PEX14: variants seen among roughly 807,000 people sequenced by gnomAD.
The protein encoded by PEX14 is peroxisomal biogenesis factor 14, also known as peroxisomal membrane protein PEX14.
PEX14 carries 15 observed loss-of-function variants against 49.5 expected under a neutral mutation model. The observed-to-expected ratio is 0.30, with a 90% CI of 0.20 to 0.47. The LOEUF (loss-of-function observed/expected upper bound fraction) is 0.47. Among genes scored for constraint, PEX14 ranks in the 20% least tolerant of loss-of-function variants. The probability of loss-of-function intolerance (pLI) is 1.00; values close to 1 mark genes in which losing one functional copy is unlikely to be tolerated. For missense variants in PEX14, 398 were observed against 494.8 expected (o/e 0.80, Z 1.86); for synonymous variants, 210 against 212.7 (o/e 0.99, Z 0.11).
chr1:10,492,050 C>T (rs1641483829), intron 1 of PEX14, among the ~76,000 whole-genome samples: 1 of 152,072 alleles, frequency 6.6e-6, no homozygotes, highest in African/African-American at 2.4e-5. Flanking sequence ...CAGTGTGGGT[C>T]CCCTAGGGTT....
intron 2 of PEX14, among the ~76,000 whole-genome samples, chr1:10,496,247 C>A (rs1370758429): frequency 6.6e-6 from 1 of 152,210 alleles, no homozygotes; most frequent in Non-Finnish European, 1.5e-5. Flanking sequence ...CGAGGTGATA[C>A]AAGCACTGCT....
chr1:10,630,105 C>T lies in PEX14; in HGVS notation c.*118C>T, dbSNP rs1416104087. 3 of 1,471,882 alleles carry T rather than the reference C, an allele frequency of 2.0e-6. No individual in the cohort carries two copies. Among genetic ancestry groups the T allele is most frequent in the Non-Finnish European group, 2.7e-6 (3 of 1,094,142 alleles). The allele number at this position is 1,471,882 out of a possible 1,614,324, so 91.2% of individuals were successfully genotyped here. On this transcript the variant is annotated 3_prime_UTR_variant, in exon 9 of 9. Coordinates refer to ENST00000356607, the MANE Select transcript of PEX14 (RefSeq NM_004565.3). This position sits in a 1 kb window ranked among gnomAD's most constrained non-coding sequence, Gnocchi z 4.1. ...CTTGGAGCCCAGGTAGGGGGCAGAG[C>T]TGTCCTCAGCTGCACTGCGGCCTGG...
rs70997249 is a variant in PEX14, at chr1:10,557,834, CTT to C, written c.169+21551_169+21552del. On this transcript the variant is annotated intron_variant, in intron 3 of 8. Coordinates refer to ENST00000356607, the MANE Select transcript of PEX14 (RefSeq NM_004565.3). ...CAAGGGCATAGAACTATTTGCCTAC[CTT>C]TTTTTTTTTTTTTAATGATTTTAGT... 9.7e-4 allele frequency among the ~76,000 whole-genome samples: 142 copies of C among 146,384 alleles called. 1 individual carries two copies. Among genetic ancestry groups the C allele is most frequent in the East Asian group, 1.2e-3 (6 of 4,990 alleles).
intron 4 of PEX14, among the ~76,000 whole-genome samples, chr1:10,604,437 G>C (rs1457941099): frequency 6.6e-6 from 1 of 152,150 alleles, no homozygotes; most frequent in Non-Finnish European, 1.5e-5. Context: ...GGGCAACATA[G>C]TGAGATGCCA....
chr1:10,612,862 A>G (rs1641310123), intron 4 of PEX14, among the ~76,000 whole-genome samples: 2 of 152,260 alleles, frequency 1.3e-5, no homozygotes, highest in Non-Finnish European at 2.9e-5. Context: ...GTGAGAAGCT[A>G]GAGACACTGC....
intron 1 of PEX14, among the ~76,000 whole-genome samples, chr1:10,486,035 G>A (rs1023566031): frequency 1.3e-5 from 2 of 152,086 alleles, no homozygotes; most frequent in Admixed American, 1.3e-4. Context: ...TGGGATTACA[G>A]GTGTGAGCCA....
intron 3 of PEX14, among the ~76,000 whole-genome samples, chr1:10,570,538 G>A (rs975895829): frequency 7.2e-5 from 11 of 152,084 alleles, no homozygotes; most frequent in African/African-American, 2.7e-4. Context: ...TCACCATGTT[G>A]GCCAGGATGG....
intron 4 of PEX14, among the ~76,000 whole-genome samples, chr1:10,611,476 T>C (rs1400651687): frequency 6.6e-6 from 1 of 152,218 alleles, no homozygotes; most frequent in Non-Finnish European, 1.5e-5. Flanking sequence ...TGTATAAATC[T>C]TTATGTGCAC....
chr1:10,524,399 T>G (rs1444443429), intron 2 of PEX14: 1 of 901,228 alleles, frequency 1.1e-6, no homozygotes, highest in African/African-American at 1.8e-5. Context: ...ACTTCTCTGT[T>G]TCTCAGACAG....
rs146591468 is a variant in PEX14 at position 10,594,675 on chromosome 1, C to T, written c.170-4563C>T. 1.7e-3 allele frequency among the ~76,000 whole-genome samples: 259 copies of T among 152,330 alleles called. 1 individual carries two copies. Among genetic ancestry groups the T allele is most frequent in the Admixed American group, 3.8e-3 (58 of 15,304 alleles). Reference sequence around the variant, plus strand: ...GCTTCACCTGCACAGGGCCAAGCCCCGTGGCAGTGCCCAGCGGTCACTGGG... The same window carrying T: ...GCTTCACCTGCACAGGGCCAAGCCCTGTGGCAGTGCCCAGCGGTCACTGGG... On this transcript the variant is annotated intron_variant, in intron 3 of 8. Transcript: ENST00000356607.
chr1:10,487,128 A>C (rs1313345974), intron 1 of PEX14, among the ~76,000 whole-genome samples: 1 of 152,142 alleles, frequency 6.6e-6, no homozygotes, highest in Non-Finnish European at 1.5e-5. Flanking sequence ...TTGAAATGTT[A>C]AACCAATTTT....
rs1638949500 is a variant in PEX14, at chr1:10,539,835, ATGCT to A, written c.169+3545_169+3548del. Among the ~76,000 whole-genome samples, 1 of 115,074 alleles carries A rather than the reference ATGCT, an allele frequency of 8.7e-6. No individual in the cohort carries two copies. The highest frequency in any genetic ancestry group is 3.4e-5 in the African/African-American group (1 of 29,578). The allele number at this position is 115,074 out of a possible 152,430, so 75.5% of individuals were successfully genotyped here. ...GCTGAGGATGAGGTGGGTAATAGTG[ATGCT>A]TGCTTGTGAGGGGGGTGAGGTGGGG... On this transcript the variant is annotated intron_variant, in intron 3 of 8. Transcript: ENST00000356607. This position sits in a 1 kb window ranked among gnomAD's most constrained non-coding sequence, Gnocchi z 4.6.
intron 2 of PEX14, among the ~76,000 whole-genome samples, chr1:10,535,581 C>G (rs1287588214): frequency 6.6e-6 from 1 of 152,108 alleles, no homozygotes. Flanking sequence ...TGGTCTCTGC[C>G]CTTCACTTGC....
At chr1:10,527,704 C>T (rs781532085) in intron 2 of PEX14, among the ~76,000 whole-genome samples, 13 of 151,806 alleles carry the variant, frequency 8.6e-5, no homozygotes, top group Middle Eastern at 3.4e-3. Context: ...GACAGAGTCT[C>T]ACTCTGTCAC....
intron 2 of PEX14, among the ~76,000 whole-genome samples, chr1:10,496,469 CAG>C (rs1261426541): frequency 6.6e-6 from 1 of 152,200 alleles, no homozygotes; most frequent in Non-Finnish European, 1.5e-5. Context: ...GGGCCTGCCT[CAG>C]TGCCCCTCAG....
chr1:10,577,653 G>A (rs1176371628), intron 3 of PEX14, among the ~76,000 whole-genome samples: 2 of 117,180 alleles, frequency 1.7e-5, no homozygotes, highest in Admixed American at 1.0e-4. Flanking sequence ...GTCCAGTGGC[G>A]CAATCTCGGC....
intron 4 of PEX14, among the ~76,000 whole-genome samples, chr1:10,601,997 T>C (rs1640998101): frequency 6.6e-6 from 1 of 152,238 alleles, no homozygotes; most frequent in African/African-American, 2.4e-5. Flanking sequence ...CAAATTGTTC[T>C]GGTTGATCAC....
rs375984447 is a variant in PEX14 at position 10,529,286 on chromosome 1, C to T, written c.85-6927C>T. Among the ~76,000 whole-genome samples, 176 of 152,306 alleles carry T rather than the reference C, an allele frequency of 1.2e-3. 1 individual carries two copies. The highest frequency in any genetic ancestry group is 4.0e-3 in the African/African-American group (167 of 41,566). ...ACAGCTCCTTCTGTGGCGTGGTGAC[C>T]GTCACCCGCTGCATCAGCAGCTCTG... On this transcript the variant is annotated intron_variant, in intron 2 of 8. Coordinates refer to ENST00000356607, the MANE Select transcript of PEX14 (RefSeq NM_004565.3). This position sits in a 1 kb window ranked among gnomAD's most constrained non-coding sequence, Gnocchi z 4.2.
intron 3 of PEX14, among the ~76,000 whole-genome samples, chr1:10,577,554 ATATATATATTT>A (rs1640173591): frequency 2.5e-4 from 2 of 8,088 alleles, no homozygotes; most frequent in African/African-American, 6.3e-4. Context: ...ATATATATAT[ATATATATATTT>A]TTTTTTTTTT....
Sources: allele counts gnomAD v4.1 joint callset (sites outside exome capture counted in the v4.1 genomes callset), GRCh38; gene constraint gnomAD v4.1.1; non-coding constraint Gnocchi (gnomAD v3.1); transcripts MANE v1.5; gene names NCBI Gene and HGNC (gene_info 2026-07-23, HGNC 2026-07-21).